Variants in EMX2 observed in about 807,000 individuals in gnomAD.
The protein encoded by EMX2 is empty spiracles homeobox 2, also known as homeobox protein EMX2.
EMX2 carries 6 observed loss-of-function variants against 23.0 expected under a neutral mutation model. The ratio of observed to expected loss-of-function variants is 0.26; its 90% CI spans 0.14 to 0.52. The LOEUF is 0.52. Among genes scored for constraint, EMX2 ranks in the 20% least tolerant of loss-of-function variants. The probability of loss-of-function intolerance (pLI) is 0.97; values close to 1 mark genes in which losing one functional copy is unlikely to be tolerated. For missense variants in EMX2, 302 were observed against 341.4 expected (o/e 0.88, Z 0.91); for synonymous variants, 175 against 153.3 (o/e 1.14, Z -1.04).
Position 117,543,511 on chromosome 10 carries a change from G to A in EMX2, c.244G>A (p.Ala82Thr). 3 of 504,342 alleles carry A rather than the reference G, an allele frequency of 5.9e-6. No individual in the cohort carries two copies. Among genetic ancestry groups the A allele is most frequent in the Middle Eastern group, 4.7e-4 (1 of 2,146 alleles). 31.2% of individuals were successfully genotyped at this position (504,342 alleles called of 1,614,324 possible). A position where few individuals can be genotyped will look rare whatever the true frequency, so the allele number is the denominator to read the frequency against. The change falls in exon 1 of 3, where the codon GCC becomes ACC. Residue 82 changes from alanine (A) to threonine (T), a missense_variant. Ala to Thr is a moderately conservative substitution (Grantham distance 58). This residue lies in a region of EMX2 where 221 missense variants were observed against 206.8 expected (regional missense o/e 1.07). Coordinates refer to ENST00000553456, the MANE Select transcript of EMX2 (RefSeq NM_004098.4). ...GGCGGTCTCGCACCCGCCCAACCCC[G>A]CCGTGCCAGTGCACCCGGTGCCGCC... ...AEAVSHPPNP[A>T]VPVHPVPPPH...
intron 1 of EMX2, among the ~76,000 whole-genome samples, chr10:117,544,123 GC>G (rs1846540552): frequency 6.6e-6 from 1 of 152,248 alleles, no homozygotes; most frequent in Admixed American, 6.5e-5. Flanking sequence ...CACCCACTTT[GC>G]GCCCCTTCAG....
At position 117,543,334 on chromosome 10, in the gene EMX2, C is replaced by G. The variant is rs1231688103; in HGVS notation, c.67C>G (p.Pro23Ala). Reference sequence around the variant, plus strand: ...GCTGGTGGCCAAGGACAGTCCCCTGCCCGCCTCGCGCTCCGAGGACCCCAT... The same window carrying G: ...GCTGGTGGCCAAGGACAGTCCCCTGGCCGCCTCGCGCTCCGAGGACCCCAT... ...ESLVAKDSPLPASRSEDPIRP... is the reference protein window; with the variant it reads ...ESLVAKDSPLAASRSEDPIRP... The change falls in exon 1 of 3, where the codon CCC (proline) becomes GCC (alanine). Residue 23 changes from proline to alanine, a missense_variant. By Grantham distance (27) the Pro-to-Ala change is conservative (BLOSUM62 -1). Coordinates refer to ENST00000553456, the MANE Select transcript of EMX2 (RefSeq NM_004098.4). The G allele has an allele frequency of 1.9e-6, 3 of 1,555,242 alleles. No homozygotes were observed. The highest frequency in any genetic ancestry group is 2.6e-6 in the Non-Finnish European group (3 of 1,149,774).
chr10:117,545,548 G>C (rs1846564913), intron 1 of EMX2, 84 bp from the exon 2 acceptor site: 1 of 1,568,830 alleles, frequency 6.4e-7, no homozygotes, highest in African/African-American at 1.4e-5. Flanking sequence ...TGAGCACGGT[G>C]CCGGGCCAGC....
chr10:117,546,190 C>G lies in EMX2; in HGVS notation c.591+374C>G, dbSNP rs563051205. Among the ~76,000 whole-genome samples, 64 of 152,280 alleles carry G rather than the reference C, an allele frequency of 4.2e-4. 2 individuals are homozygous for G. The South Asian group carries it at 0.012, about 29-fold the overall frequency. On this transcript the variant is annotated intron_variant, in intron 2 of 2. Transcript: ENST00000553456. ...GTTTCTGGGTGTTTGGAGCTGGAGG[C>G]TGGTAAGGACAGGATGTGGGTTAAA... is the stretch of plus-strand genomic sequence containing the variant.
intron 2 of EMX2, among the ~76,000 whole-genome samples, chr10:117,546,747 C>G (rs560527874): frequency 2.5e-4 from 38 of 152,360 alleles, no homozygotes; most frequent in African/African-American, 7.9e-4. Flanking sequence ...TGTCAAGCCC[C>G]GAGCGCACCG....
intron 1 of EMX2, 88 bp from the exon 2 acceptor site, chr10:117,545,544 C>A: frequency 6.5e-7 from 1 of 1,546,392 alleles, no homozygotes; most frequent in South Asian, 1.2e-5. Context: ...GCCCTGAGCA[C>A]GGTGCCGGGC....
chr10:117,544,800 C>G (rs1401390905), intron 1 of EMX2: 2 of 152,214 alleles, frequency 1.3e-5, no homozygotes, highest in East Asian at 3.8e-4. Flanking sequence ...AATCGATTTC[C>G]TATGCTAATG....
Position 117,543,411 on chromosome 10 carries a change from C to G in EMX2, c.144C>G (p.Leu48=). Residue 48 remains leucine (L), a synonymous_variant, in exon 1 of 3, where the codon CTC becomes CTG. Coordinates refer to ENST00000553456, the MANE Select transcript of EMX2 (RefSeq NM_004098.4). ...ACTCCAGCCCCATAAATCCGTTCCT[C>G]AACGGCTTCCACTCGGCCGCCGCCG... ...YANSSPINPF[L]NGFHSAAAAA... is the part of the protein sequence containing the mutation. 1 of 1,592,438 alleles carries G rather than the reference C, an allele frequency of 6.3e-7. No individual in the cohort carries two copies. The highest frequency in any genetic ancestry group is 8.5e-7 in the Non-Finnish European group (1 of 1,170,318).
At chr10:117,544,207 T>C (rs1422617734) in intron 1 of EMX2, 2 of 174,660 alleles carry the variant, frequency 1.1e-5, no homozygotes, top group Non-Finnish European at 2.4e-5. Flanking sequence ...GGGAGAAAAG[T>C]ATGGGATTTG....
At chr10:117,545,184 G>C (rs985651812) in intron 1 of EMX2, 2 of 162,104 alleles carry the variant, frequency 1.2e-5, no homozygotes, top group African/African-American at 4.8e-5. Context: ...GAAAACTCTG[G>C]AGAGCAGCCC....
In EMX2 at chr10:117,545,714, G is replaced by T. The variant is rs1589649283; in HGVS notation, c.489G>T (p.Pro163=). Residue 163 remains proline (P), a synonymous_variant, in exon 2 of 3, where the codon CCG becomes CCT. Transcript: ENST00000553456. The stretch of plus-strand genomic sequence containing the variant: ...AGCGGATCCGAACCGCCTTCTCCCC[G>T]TCCCAGCTTCTAAGGCTGGAACACG... ...KPKRIRTAFS[P]SQLLRLEHAF... 1 of 1,614,112 alleles carries T rather than the reference G, an allele frequency of 6.2e-7. No individual in the cohort carries two copies. Among genetic ancestry groups the T allele is most frequent in the East Asian group, 2.2e-5 (1 of 44,882 alleles).
chr10:117,544,199 G>T lies in EMX2; in HGVS notation c.406+526G>T, dbSNP rs199708772. 42 of 179,438 alleles carry T rather than the reference G, an allele frequency of 2.3e-4. 2 individuals carry two copies. In the East Asian group the frequency reaches 6.3e-3, roughly 27 times the overall value. The allele number at this position is 179,438 out of a possible 1,614,324, so 11.1% of individuals were successfully genotyped here. On this transcript the variant is annotated intron_variant, in intron 1 of 2. Transcript: ENST00000553456. ...AGGCGAGAGGATCCTCGCGCCCCGG[G>T]AGAAAAGTATGGGATTTGTTTTTTC...
At position 117,543,540 on chromosome 10, in the gene EMX2, G is replaced by T; in HGVS notation, c.273G>T (p.Pro91=). The T allele has an allele frequency of 1.3e-6, 2 of 1,500,956 alleles. No individual in the cohort carries two copies. Among genetic ancestry groups the T allele is most frequent in the Non-Finnish European group, 1.8e-6 (2 of 1,113,036 alleles). 93.0% of individuals were successfully genotyped at this position (1,500,956 alleles called of 1,614,324 possible). A position where few individuals can be genotyped will look rare whatever the true frequency, so the allele number is the denominator to read the frequency against. ...PAVPVHPVPP[P]HALAAHPLPS... is the part of the protein sequence containing the mutation. ...TGCCAGTGCACCCGGTGCCGCCGCCGCACGCCCTGGCCGCCCACCCCCTAC... is the reference window on the plus strand; with the variant it reads ...TGCCAGTGCACCCGGTGCCGCCGCCTCACGCCCTGGCCGCCCACCCCCTAC... Residue 91 remains proline (P), a synonymous_variant, in exon 1 of 3, where the codon CCG becomes CCT. Coordinates refer to ENST00000553456, the MANE Select transcript of EMX2 (RefSeq NM_004098.4).
At position 117,543,606 on chromosome 10, in the gene EMX2, G is replaced by C; in HGVS notation, c.339G>C (p.Gln113His). Residue 113 changes from glutamine to histidine, a missense_variant, in exon 1 of 3, where the codon CAG becomes CAC. Transcript: ENST00000553456. ...CACACCCCCTATTCGCCTCGCAGCA[G>C]CGGGATCCGTCCACCTTCTACCCCT... ...HSPHPLFASQ[Q>H]RDPSTFYPWL... is the part of the protein sequence containing the mutation. 1 of 1,613,224 alleles carries C rather than the reference G, an allele frequency of 6.2e-7. No individual in the cohort carries two copies. The highest frequency in any genetic ancestry group is 8.5e-7 in the Non-Finnish European group (1 of 1,179,682).
At chr10:117,545,454 G>T (rs1846563375) in intron 1 of EMX2, among the ~76,000 whole-genome samples, 178 bp from the exon 2 acceptor site, 2 of 152,208 alleles carry the variant, frequency 1.3e-5, no homozygotes, top group African/African-American at 4.8e-5. Flanking sequence ...TCCGGGCCGG[G>T]CAGCTGAGCA....
Position 117,548,782 on chromosome 10 carries a change from A to C in EMX2, c.*550A>C. 7.4e-6 allele frequency: 3 copies of C among 405,360 alleles called. No individual in the cohort carries two copies. Among genetic ancestry groups the C allele is most frequent in the Non-Finnish European group, 1.3e-5 (3 of 230,272 alleles). The allele number at this position is 405,360 out of a possible 1,614,324, so 25.1% of individuals were successfully genotyped here. On this transcript the variant is annotated 3_prime_UTR_variant, in exon 3 of 3. Transcript: ENST00000553456. ...CTTTAAAAATAATTAGTAATAAAAA[A>C]CAAAAATTCCATATCTAGCCCCATC...
chr10:117,545,110 T>C (rs1284691607), intron 1 of EMX2: 2 of 152,182 alleles, frequency 1.3e-5, no homozygotes, highest in African/African-American at 4.8e-5. Flanking sequence ...CTTCAACGAC[T>C]CGCCCCGCCT....
Position 117,545,729 on chromosome 10 carries a change from G to A in EMX2, c.504G>A (p.Arg168=). 6.2e-7 allele frequency: 1 copy of A among 1,614,110 alleles called. No individual in the cohort carries two copies. ...RTAFSPSQLL[R]LEHAFEKNHY... ...CCTTCTCCCCGTCCCAGCTTCTAAG[G>A]CTGGAACACGCCTTTGAGAAGAATC... The change falls in exon 2 of 3, where the codon AGG becomes AGA. Residue 168 remains arginine (R), a synonymous_variant. Transcript: ENST00000553456.
At position 117,543,116 on chromosome 10, in the gene EMX2, T is replaced by G; in HGVS notation, c.-152T>G. 2.3e-6 allele frequency: 1 copy of G among 428,042 alleles called. No individual in the cohort carries two copies. The highest frequency in any genetic ancestry group is 3.5e-6 in the Non-Finnish European group (1 of 285,570). The allele number at this position is 428,042 out of a possible 1,614,324, so 26.5% of individuals were successfully genotyped here. On this transcript the variant is annotated 5_prime_UTR_variant, in exon 1 of 3. Coordinates refer to ENST00000553456, the MANE Select transcript of EMX2 (RefSeq NM_004098.4). The stretch of plus-strand genomic sequence containing the variant: ...TTCCTTTTTCCTTTCCTTTCCTTTC[T>G]TTCTTCCTTTCCTTCCCCCCACCCC...
Sources: gnomAD v4.1 joint callset for allele counts (sites outside exome capture counted in the v4.1 genomes callset) on GRCh38, gnomAD v4.1.1 for gene constraint, gnomAD v4.1.1 regional missense constraint, MANE v1.5 for transcripts, NCBI Gene and HGNC (gene_info 2026-07-23, HGNC 2026-07-21) for gene names.